PAX7: variants seen among roughly 807,000 people sequenced by gnomAD.
PAX7 encodes paired box protein Pax-7.
A neutral mutation model predicts 50.7 loss-of-function variants in PAX7; 18 were observed. The ratio of observed to expected loss-of-function variants is 0.36; its 90% CI spans 0.25 to 0.53. PAX7 has a LOEUF of 0.53. PAX7 is among the 20% of genes least tolerant of loss of function. The pLI is 0.93. For synonymous variants in PAX7, 310 were observed against 290.4 expected, an observed-to-expected ratio of 1.07 and a Z score of -0.69; for missense variants, 644 against 702.9, an observed-to-expected ratio of 0.92 and a Z score of 0.95.
chr1:18,651,974 G>A (rs933661386), intron 4 of PAX7, among the ~76,000 whole-genome samples: 3 of 152,130 alleles, frequency 2.0e-5, no homozygotes, highest in East Asian at 3.9e-4. Flanking sequence ...TTAGACCCGG[G>A]ACAAGAATGG....
intron 4 of PAX7, 108 bp from the exon 5 acceptor site, chr1:18,691,646 C>A: frequency 1.1e-6 from 1 of 886,590 alleles, no homozygotes; most frequent in Non-Finnish European, 1.8e-6. Flanking sequence ...GAAGTGCAGT[C>A]ATGGGTCCTA....
chr1:18,680,776 A>G (rs945813096), intron 4 of PAX7, among the ~76,000 whole-genome samples: 3 of 152,206 alleles, frequency 2.0e-5, no homozygotes, highest in Admixed American at 2.0e-4. Flanking sequence ...AATAACTTGG[A>G]TGAGTAAATG....
chr1:18,702,264 G>C (rs1042569647), intron 6 of PAX7, among the ~76,000 whole-genome samples: 1 of 152,092 alleles, frequency 6.6e-6, no homozygotes, highest in African/African-American at 2.4e-5. Flanking sequence ...GCTTGAACCC[G>C]GGAGGCGGAG....
intron 4 of PAX7, among the ~76,000 whole-genome samples, chr1:18,641,290 T>C (rs2088249647): frequency 6.6e-6 from 1 of 152,140 alleles, no homozygotes; most frequent in African/African-American, 2.4e-5. Context: ...AGGGCAATTA[T>C]CCGCCCCAGA....
At chr1:18,742,503 G>C (rs1931204192) in intron 8 of PAX7, among the ~76,000 whole-genome samples, 1 of 152,198 alleles carries the variant, frequency 6.6e-6, no homozygotes, top group African/African-American at 2.4e-5. Context: ...GGGTAAGGCA[G>C]GCTTCCAGTA....
chr1:18,675,355 A>G (rs1476699246), intron 4 of PAX7, among the ~76,000 whole-genome samples: 1 of 152,148 alleles, frequency 6.6e-6, no homozygotes, highest in Non-Finnish European at 1.5e-5. Context: ...TCTTAGAATC[A>G]CAGAATCTTA....
chr1:18,712,103 C>T (rs1023012187), intron 7 of PAX7, among the ~76,000 whole-genome samples: 1 of 131,134 alleles, frequency 7.6e-6, no homozygotes, highest in Non-Finnish European at 1.7e-5. Context: ...AACTGCAAGG[C>T]TCAGGGAAGC....
At chr1:18,631,986 G>A (rs950792188) in intron 1 of PAX7, among the ~76,000 whole-genome samples, 2 of 152,196 alleles carry the variant, frequency 1.3e-5, no homozygotes, top group African/African-American at 4.8e-5. Context: ...AGGTCCTGGT[G>A]AATTTCAGCT....
Position 18,692,961 on chromosome 1 carries a change from T to C in PAX7, c.786+1008T>C, listed in dbSNP as rs545113973. On this transcript the variant is annotated intron_variant, in intron 5 of 8. Coordinates refer to ENST00000420770, the MANE Select transcript of PAX7 (RefSeq NM_001135254.2). ...TGCCTCACCTCCCCAGGCCAAACTC[T>C]CGGATTCCAGGAGGCCTACAGTTGT... 3.9e-5 allele frequency among the ~76,000 whole-genome samples: 6 copies of C among 152,194 alleles called. No homozygotes were observed. The South Asian group carries it at 1.2e-3, about 31-fold the overall frequency.
intron 8 of PAX7, among the ~76,000 whole-genome samples, chr1:18,741,455 G>GA (rs777793825): frequency 1.4e-4 from 13 of 90,126 alleles, no homozygotes; most frequent in East Asian, 5.7e-4. Flanking sequence ...GTCTCAAAAA[G>GA]AAAAAAAAAA....
In PAX7 at chr1:18,744,818, T is replaced by A. The variant is rs1931357987; in HGVS notation, c.1407T>A (p.Ala469=). 8 of 1,547,894 alleles carry A rather than the reference T, an allele frequency of 5.2e-6. No individual in the cohort carries two copies. The highest frequency in any genetic ancestry group is 7.0e-6 in the Non-Finnish European group (8 of 1,142,932). ...GYQYGQYGQT[A]VDYLAKNVSL... ...AGAGTCTCTTCTTTTTTCCAGCTGC[T>A]GTTGATTATCTGGCCAAAAATGTGA... is the stretch of plus-strand genomic sequence containing the variant. Residue 469 remains alanine, a synonymous_variant, in exon 9 of 9, where the codon GCT becomes GCA. Transcript: ENST00000420770.
chr1:18,639,623 G>T lies in PAX7; in HGVS notation c.586+3252G>T, dbSNP rs764713564. On this transcript the variant is annotated intron_variant, in intron 4 of 8. Coordinates refer to ENST00000420770, the MANE Select transcript of PAX7 (RefSeq NM_001135254.2). ...GGACCCAACAGGGAGGGGATTTGAG[G>T]AGAGAAGAGAAAGGAAAAGATTTTC... Among the ~76,000 whole-genome samples, 8 of 152,272 alleles carry T rather than the reference G, an allele frequency of 5.3e-5. No individual in the cohort carries two copies. The East Asian group carries it at 1.4e-3, about 26-fold the overall frequency.
intron 4 of PAX7, among the ~76,000 whole-genome samples, chr1:18,659,961 T>C (rs771702545): frequency 6.6e-6 from 1 of 152,220 alleles, no homozygotes; most frequent in Non-Finnish European, 1.5e-5. Flanking sequence ...CAGCGGGCCA[T>C]GTGCTCGAGG....
At chr1:18,665,895 C>T (rs2088662073) in intron 4 of PAX7, among the ~76,000 whole-genome samples, 1 of 151,584 alleles carries the variant, frequency 6.6e-6, no homozygotes, top group Non-Finnish European at 1.5e-5. Flanking sequence ...TGGTCTCAAA[C>T]TCCTGACCTC....
intron 4 of PAX7, among the ~76,000 whole-genome samples, chr1:18,686,856 C>T (rs2088983351): frequency 6.6e-6 from 1 of 151,448 alleles, no homozygotes; most frequent in Non-Finnish European, 1.5e-5. Context: ...CTTGAAGTTG[C>T]AAATTACTCC....
chr1:18,689,303 A>G (rs1294934489), intron 4 of PAX7, among the ~76,000 whole-genome samples: 2 of 152,184 alleles, frequency 1.3e-5, no homozygotes, highest in Non-Finnish European at 2.9e-5. Flanking sequence ...CATTAGTTGT[A>G]TTTGGCTCTG....
At chr1:18,635,529 A>AAGGAAGGAAG (rs1553133206) in intron 3 of PAX7, among the ~76,000 whole-genome samples, 12 of 49,116 alleles carry the variant, frequency 2.4e-4, no homozygotes, top group African/African-American at 4.6e-4. Context: ...AAGGAAGGAA[A>AAGGAAGGAAG]GAAGGAAGGA....
rs1415465567 is a variant in PAX7, at chr1:18,685,979, C to T, written c.587-5775C>T. Among the ~76,000 whole-genome samples the T allele has an allele frequency of 2.6e-5, 4 of 152,218 alleles. 1 individual carries two copies. In the South Asian group the frequency reaches 6.2e-4, roughly 24 times the overall value. On this transcript the variant is annotated intron_variant, in intron 4 of 8. Transcript: ENST00000420770. ...GGCCGGACTTTGCCCGGCCAACTTG[C>T]TCCTGCCCACCCCAAAGCTTTGACA...
At chr1:18,701,114 T>A (rs920948262) in intron 6 of PAX7, among the ~76,000 whole-genome samples, 1 of 146,298 alleles carries the variant, frequency 6.8e-6, no homozygotes, top group South Asian at 2.1e-4. Flanking sequence ...CCTGAGATTC[T>A]GCACTTCTAA....
Sources: gnomAD v4.1 joint callset for allele counts (sites outside exome capture counted in the v4.1 genomes callset) on GRCh38, gnomAD v4.1.1 for gene constraint, MANE v1.5 for transcripts, NCBI Gene and HGNC (gene_info 2026-07-23, HGNC 2026-07-21) for gene names.